Variants in NKAIN2 observed in about 807,000 individuals in gnomAD.
The protein encoded by NKAIN2 is sodium/potassium-transporting ATPase subunit beta-1-interacting protein 2.
Under a neutral mutation model 32.6 loss-of-function variants are expected in NKAIN2, and 14 were observed. The observed-to-expected ratio is 0.43, with a 90% CI of 0.28 to 0.67. The LOEUF is 0.67. Among genes scored for constraint, NKAIN2 ranks in the 30% least tolerant of loss-of-function variants. NKAIN2 has a pLI of 0.17. For synonymous variants in NKAIN2, 80 were observed against 87.2 expected, an observed-to-expected ratio of 0.92 and a Z score of 0.46; for missense variants, 198 against 258.3, an observed-to-expected ratio of 0.77 and a Z score of 1.60.
intron 5 of NKAIN2, among the ~76,000 whole-genome samples, chr6:124,798,155 TC>T (rs1284002009): frequency 1.3e-5 from 2 of 152,076 alleles, no homozygotes; most frequent in Non-Finnish European, 2.9e-5. Context: ...TATCATACAT[TC>T]TGTTTGGTAG....
At chr6:124,172,009 TCACC>T (rs1788913716) in intron 1 of NKAIN2, among the ~76,000 whole-genome samples, 1 of 151,826 alleles carries the variant, frequency 6.6e-6, no homozygotes. Context: ...AGACGGGGTT[TCACC>T]GTGTTAGCCA....
intron 3 of NKAIN2, among the ~76,000 whole-genome samples, chr6:124,465,943 A>G (rs1382234468): frequency 6.6e-6 from 1 of 152,180 alleles, no homozygotes; most frequent in Non-Finnish European, 1.5e-5. Flanking sequence ...AAAAATAAAA[A>G]TATTTTATCC....
intron 3 of NKAIN2, among the ~76,000 whole-genome samples, chr6:124,649,945 C>T (rs944869733): frequency 2.0e-5 from 3 of 152,070 alleles, no homozygotes; most frequent in Non-Finnish European, 4.4e-5. Flanking sequence ...ATCCAGCATC[C>T]ATTCATGATA....
At chr6:124,030,444 C>T (rs1034166411) in intron 1 of NKAIN2, among the ~76,000 whole-genome samples, 2 of 152,174 alleles carry the variant, frequency 1.3e-5, no homozygotes, top group South Asian at 2.1e-4. Context: ...CCGTCATTTC[C>T]ACAAAACTTT....
intron 2 of NKAIN2, among the ~76,000 whole-genome samples, chr6:124,331,345 CAAAAAAAAAAAAAAAAAAAAAA>C (rs1162529828): frequency 4.3e-4 from 9 of 20,816 alleles, no homozygotes; most frequent in Non-Finnish European, 6.6e-4. Flanking sequence ...ACTAAATATA[CAAAAAAAAAAAAAAAAAAAAAA>C]AAAAAAAAAA....
At chr6:124,539,475 AATT>A (rs1779833379) in intron 3 of NKAIN2, among the ~76,000 whole-genome samples, 1 of 152,164 alleles carries the variant, frequency 6.6e-6, no homozygotes, top group Non-Finnish European at 1.5e-5. Flanking sequence ...AAGTTAATCA[AATT>A]AATCCTCAGG....
At chr6:123,841,309 G>A (rs776580719) in intron 1 of NKAIN2, among the ~76,000 whole-genome samples, 1 of 152,084 alleles carries the variant, frequency 6.6e-6, no homozygotes, top group Non-Finnish European at 1.5e-5. Context: ...CAATTATCTT[G>A]GATGAGGTCC....
intron 1 of NKAIN2, among the ~76,000 whole-genome samples, chr6:124,158,413 A>G (rs1788096005): frequency 6.6e-6 from 1 of 152,190 alleles, no homozygotes; most frequent in South Asian, 2.1e-4. Context: ...GTGGGGATGT[A>G]ATTCAGACCA....
At chr6:124,163,098 C>G (rs902545650) in intron 1 of NKAIN2, among the ~76,000 whole-genome samples, 5 of 151,876 alleles carry the variant, frequency 3.3e-5, no homozygotes, top group African/African-American at 1.2e-4. Flanking sequence ...TATTGGAACA[C>G]TAGGTAATGT....
chr6:124,228,805 G>A (rs746890002), intron 1 of NKAIN2, among the ~76,000 whole-genome samples: 3 of 152,064 alleles, frequency 2.0e-5, no homozygotes, highest in Non-Finnish European at 4.4e-5. Context: ...TAGTTTTAAC[G>A]TTAAATGGTG....
intron 1 of NKAIN2, among the ~76,000 whole-genome samples, chr6:124,252,834 G>A (rs1793747815): frequency 6.6e-6 from 1 of 152,202 alleles, no homozygotes; most frequent in African/African-American, 2.4e-5. Flanking sequence ...CTAAATTAAA[G>A]ATAATGATAA....
rs148062727 is a variant in NKAIN2 at position 124,282,548 on chromosome 6, G to C, written c.55-457G>C. On this transcript the variant is annotated intron_variant, in intron 1 of 6. Coordinates refer to ENST00000368417, the MANE Select transcript of NKAIN2 (RefSeq NM_001040214.3). ...TTCAGAAATCTTTGTCTTGCTAAAG[G>C]GTTCTTGCTACAACTCTTGCTAAAG... is the stretch of plus-strand genomic sequence containing the variant. 8.0e-3 allele frequency among the ~76,000 whole-genome samples: 1,220 copies of C among 152,230 alleles called. 18 individuals are homozygous for C. The highest frequency in any genetic ancestry group is 0.028 in the African/African-American group (1,176 of 41,548).
chr6:123,919,979 A>T (rs1775675230), intron 1 of NKAIN2, among the ~76,000 whole-genome samples: 1 of 152,126 alleles, frequency 6.6e-6, no homozygotes, highest in Non-Finnish European at 1.5e-5. Flanking sequence ...AGCATTAAAG[A>T]ATGTAGAAAA....
At chr6:123,854,918 G>A (rs1775498538) in intron 1 of NKAIN2, among the ~76,000 whole-genome samples, 1 of 152,166 alleles carries the variant, frequency 6.6e-6, no homozygotes, top group Admixed American at 6.5e-5. Context: ...CAGGACACCA[G>A]TGACTATTCT....
intron 1 of NKAIN2, among the ~76,000 whole-genome samples, chr6:124,124,785 A>C (rs1400442422): frequency 2.0e-5 from 3 of 152,094 alleles, no homozygotes; most frequent in Admixed American, 2.0e-4. Flanking sequence ...TTTGCTTTGG[A>C]AGTATTACAG....
chr6:124,748,117 A>C (rs1777527145), intron 4 of NKAIN2, among the ~76,000 whole-genome samples: 1 of 151,990 alleles, frequency 6.6e-6, no homozygotes, highest in Non-Finnish European at 1.5e-5. Context: ...GTTTCTTAAC[A>C]TTTAACTCTG....
intron 1 of NKAIN2, among the ~76,000 whole-genome samples, chr6:124,039,300 A>T (rs1267300458): frequency 6.6e-6 from 1 of 152,054 alleles, no homozygotes; most frequent in Non-Finnish European, 1.5e-5. Context: ...TGTAGCCCTC[A>T]GCAATCCTCT....
intron 3 of NKAIN2, among the ~76,000 whole-genome samples, chr6:124,511,836 C>T (rs1003399743): frequency 6.6e-6 from 1 of 152,106 alleles, no homozygotes; most frequent in Non-Finnish European, 1.5e-5. Context: ...GCTCTCCTAA[C>T]CCAGCAGCTG....
chr6:123,824,031 A>C (rs1444796057), intron 1 of NKAIN2, among the ~76,000 whole-genome samples: 1 of 152,222 alleles, frequency 6.6e-6, no homozygotes, highest in East Asian at 1.9e-4. Flanking sequence ...ATTTGCCATT[A>C]ACTGCATGAC....
Sources: allele counts gnomAD v4.1 joint callset (sites outside exome capture counted in the v4.1 genomes callset), GRCh38; gene constraint gnomAD v4.1.1; transcripts MANE v1.5; gene names NCBI Gene and HGNC (gene_info 2026-07-23, HGNC 2026-07-21).